The following PHEX variants were observed in gnomAD, a reference collection of about 807,000 sequenced individuals.
PHEX encodes phosphate regulating endopeptidase X-linked.
Under a neutral mutation model 68.0 loss-of-function variants are expected in PHEX, and 16 were observed. The observed-to-expected ratio is 0.24, with a 90% CI of 0.16 to 0.36. PHEX has a LOEUF of 0.36. PHEX is among the 10% of genes least tolerant of loss of function. The pLI, the probability that PHEX is intolerant of heterozygous loss-of-function variation, is 1.00. For synonymous variants in PHEX, 208 were observed against 205.1 expected (o/e 1.01, Z -0.12); for missense variants, 480 against 575.5 (o/e 0.83, Z 1.70).
intron 12 of PHEX, among the ~76,000 whole-genome samples, chrX:22,153,932 CT>C (rs984302062): frequency 2.7e-5 from 3 of 111,335 alleles, no homozygotes; most frequent in African/African-American, 9.8e-5. Flanking sequence ...GTTATTAGAA[CT>C]TTTAATCTAA....
intron 14 of PHEX, among the ~76,000 whole-genome samples, chrX:22,185,283 G>A (rs755054164): frequency 8.9e-6 from 1 of 112,122 alleles, no homozygotes; most frequent in Non-Finnish European, 1.9e-5. Context: ...TATTGAAGTG[G>A]ATGTATACAT....
At chrX:22,208,110 TTTA>T (rs1934770871) in intron 15 of PHEX, among the ~76,000 whole-genome samples, 2 of 94,569 alleles carry the variant, frequency 2.1e-5, no homozygotes, top group Non-Finnish European at 4.0e-5. Context: ...ATTACACAAG[TTTA>T]TTATCTTTGG....
chrX:22,218,833 T>C (rs1157503067), intron 16 of PHEX, among the ~76,000 whole-genome samples: 1 of 112,265 alleles, frequency 8.9e-6, no homozygotes, highest in African/African-American at 3.2e-5. Context: ...ATGACAATGT[T>C]TGTTAGAATT....
intron 20 of PHEX, among the ~76,000 whole-genome samples, chrX:22,244,037 T>G (rs1000770904): frequency 3.6e-5 from 4 of 112,087 alleles, no homozygotes; most frequent in African/African-American, 1.3e-4. Context: ...CCAACCCAAA[T>G]GCCCATCAGT....
At chrX:22,175,713 AT>A (rs764192873) in intron 13 of PHEX, among the ~76,000 whole-genome samples, 1,501 of 106,609 alleles carry the variant, frequency 0.014, 22 homozygotes, top group African/African-American at 0.046. Context: ...ATATCAAGGG[AT>A]TTTTTTTTTT....
chrX:22,074,347 T>C lies in PHEX; in HGVS notation c.350-2041T>C, dbSNP rs746752627. Among the ~76,000 whole-genome samples, 5 of 109,358 alleles carry C rather than the reference T, an allele frequency of 4.6e-5. No individual in the cohort carries two copies. The South Asian group carries it at 2.0e-3, about 44-fold the overall frequency. The allele number at this position is 109,358 out of a possible 115,157, so 95.0% of individuals were successfully genotyped here. On this transcript the variant is annotated intron_variant, in intron 3 of 21. Coordinates refer to ENST00000379374, the MANE Select transcript of PHEX (RefSeq NM_000444.6). ...AAGGAACTTGTGATAGCCGAATCTG[T>C]TTTAAAAGCCAAATTCTGGTACAGA...
intron 20 of PHEX, among the ~76,000 whole-genome samples, chrX:22,235,810 T>G (rs1158675728): frequency 4.5e-5 from 5 of 111,190 alleles, no homozygotes; most frequent in African/African-American, 1.7e-4. Flanking sequence ...AACAGCCTTA[T>G]GGAATGTTAA....
chrX:22,126,465 T>G (rs974130175), intron 11 of PHEX, among the ~76,000 whole-genome samples: 1 of 111,859 alleles, frequency 8.9e-6, no homozygotes, highest in African/African-American at 3.3e-5. Flanking sequence ...AACTAATCCC[T>G]CCTTAAAGCA....
At chrX:22,075,076 C>CTAA (rs1569380133) in intron 3 of PHEX, among the ~76,000 whole-genome samples, 28 of 89,452 alleles carry the variant, frequency 3.1e-4, no homozygotes, top group South Asian at 1.2e-3. Context: ...TACTCTGTTT[C>CTAA]AAAAAAAAAA....
intron 20 of PHEX, among the ~76,000 whole-genome samples, chrX:22,230,164 A>G (rs1338998214): frequency 1.9e-5 from 2 of 104,882 alleles, no homozygotes; most frequent in Non-Finnish European, 3.9e-5. Context: ...TAAAGTTTAA[A>G]GTCAGGTAGT....
chrX:22,119,603 T>C (rs772503236), intron 11 of PHEX, among the ~76,000 whole-genome samples: 5 of 108,084 alleles, frequency 4.6e-5, no homozygotes, highest in African/African-American at 1.0e-4. Flanking sequence ...TTTCTTTTTT[T>C]TTTTTTTGAG....
At position 22,180,602 on chromosome X, in the gene PHEX, C is replaced by A. The variant is rs1271389773; in HGVS notation, c.1586+2226C>A. Among the ~76,000 whole-genome samples, 3 of 111,930 alleles carry A rather than the reference C, an allele frequency of 2.7e-5. No individual in the cohort carries two copies. The East Asian group carries it at 8.4e-4, about 31-fold the overall frequency. ...AGAGTAAATGGGGTATCCATAGCCT[C>A]AAGCATTTATCCTTTCTTTATGTTA... On this transcript the variant is annotated intron_variant, in intron 14 of 21. Transcript: ENST00000379374.
chrX:22,043,897 G>C (rs1002737129), intron 2 of PHEX, among the ~76,000 whole-genome samples: 1 of 110,954 alleles, frequency 9.0e-6, no homozygotes, highest in Non-Finnish European at 1.9e-5. Context: ...GCTGAGTAGG[G>C]GGAAAGGCGT....
intron 2 of PHEX, among the ~76,000 whole-genome samples, chrX:22,040,676 G>C (rs939888376): frequency 9.0e-6 from 1 of 111,031 alleles, no homozygotes; most frequent in African/African-American, 3.3e-5. Flanking sequence ...TGGGGCAAAG[G>C]GTGCATAGAA....
At chrX:22,232,500 T>C (rs1042634193) in intron 20 of PHEX, among the ~76,000 whole-genome samples, 1 of 109,410 alleles carries the variant, frequency 9.1e-6, no homozygotes, top group African/African-American at 3.3e-5. Context: ...TCTTGTTGCA[T>C]TGACCCCTTT....
intron 9 of PHEX, among the ~76,000 whole-genome samples, chrX:22,100,608 A>G (rs1023834509): frequency 9.0e-6 from 1 of 111,255 alleles, no homozygotes; most frequent in African/African-American, 3.3e-5. Context: ...GATTGATTTT[A>G]CTTCCAAAAA....
intron 20 of PHEX, among the ~76,000 whole-genome samples, chrX:22,238,472 C>T (rs777098964): frequency 2.7e-4 from 30 of 111,254 alleles, no homozygotes; most frequent in Middle Eastern, 4.7e-3. Flanking sequence ...GTACCGGGCT[C>T]GGTGCATCCC....
At chrX:22,089,345 G>A (rs957674437) in intron 5 of PHEX, among the ~76,000 whole-genome samples, 3 of 110,464 alleles carry the variant, frequency 2.7e-5, no homozygotes, top group African/African-American at 9.9e-5. Context: ...TTTCTAACAC[G>A]CTCTTTGAAA....
intron 3 of PHEX, among the ~76,000 whole-genome samples, chrX:22,074,969 C>T (rs1256253111): frequency 2.8e-5 from 3 of 108,246 alleles, no homozygotes; most frequent in African/African-American, 3.4e-5. Context: ...CTCAGCTACT[C>T]GGGAGGCTGA....
Sources: allele counts gnomAD v4.1 joint callset (sites outside exome capture counted in the v4.1 genomes callset), GRCh38; gene constraint gnomAD v4.1.1; transcripts MANE v1.5; gene names NCBI Gene and HGNC (gene_info 2026-07-23, HGNC 2026-07-21).